Variants in PPP1R36 observed in about 807,000 individuals in gnomAD.
The protein encoded by PPP1R36 is chromosome 14 open reading frame 50.
A neutral mutation model predicts 53.4 loss-of-function variants in PPP1R36; 47 were observed. That is an observed-to-expected ratio of 0.88 (90% CI 0.70 to 1.12). PPP1R36 has a LOEUF of 1.12. Ranked by LOEUF, PPP1R36 falls within the 50% of genes most tolerant of loss-of-function variation. The pLI is 0.00. For synonymous variants in PPP1R36, 153 were observed against 170.5 expected (o/e 0.90, Z 0.80); for missense variants, 456 against 513.9 (o/e 0.89, Z 1.09).
At chr14:64,571,625 AG>A (rs2080304102) in intron 7 of PPP1R36, among the ~76,000 whole-genome samples, 1 of 152,118 alleles carries the variant, frequency 6.6e-6, no homozygotes, top group Admixed American at 6.5e-5. Context: ...CTCACTCATA[AG>A]TTAGGTTAAT....
Position 64,566,270 on chromosome 14 carries a change from C to CA in PPP1R36, c.434+587dup, listed in dbSNP as rs1285494587. On this transcript the variant is annotated intron_variant, in intron 6 of 11. Transcript: ENST00000298705. ...GTGACAGAGCAAGACTCTCTCAGAC[C>CA]AAAAAAAAAGAAAAATACAAACATT... is the stretch of plus-strand genomic sequence containing the variant. Among the ~76,000 whole-genome samples the CA allele has an allele frequency of 4.7e-4, 68 of 144,176 alleles. No homozygotes were observed. In the East Asian group the frequency reaches 6.7e-3, roughly 14 times the overall value. 94.6% of individuals were successfully genotyped at this position (144,176 alleles called of 152,430 possible).
intron 7 of PPP1R36, among the ~76,000 whole-genome samples, chr14:64,571,301 A>AT (rs982066577): frequency 3.3e-5 from 5 of 151,846 alleles, no homozygotes; most frequent in Non-Finnish European, 5.9e-5. Context: ...AATTTTTTAT[A>AT]TTTTTGGTAG....
At chr14:64,573,261 A>G (rs2080316984) in intron 7 of PPP1R36, among the ~76,000 whole-genome samples, 1 of 152,216 alleles carries the variant, frequency 6.6e-6, no homozygotes, top group African/African-American at 2.4e-5. Context: ...GTCTTTGTGA[A>G]AGTTCATTTG....
At position 64,556,762 on chromosome 14, in the gene PPP1R36, ATGTGTGTGTGTGTG is replaced by A. The variant is rs369620598; in HGVS notation, c.182+3921_182+3934del. Among the ~76,000 whole-genome samples the A allele has an allele frequency of 6.8e-3, 909 of 134,058 alleles. 9 individuals are homozygous for A. The highest frequency in any genetic ancestry group is 8.7e-3 in the Non-Finnish European group (554 of 63,780). The allele number at this position is 134,058 out of a possible 152,430, so 87.9% of individuals were successfully genotyped here. A position where few individuals can be genotyped will look rare whatever the true frequency, so the allele number is the denominator to read the frequency against. Reference sequence around the variant, plus strand: ...TAGAGTGAGACCCAATCTCCAAAAAATGTGTGTGTGTGTGTGTGTGTGTGTGTGTGTGTAAACAT... The same window carrying A: ...TAGAGTGAGACCCAATCTCCAAAAAATGTGTGTGTGTGTGTGTGTAAACAT... On this transcript the variant is annotated intron_variant, in intron 3 of 11. Transcript: ENST00000298705.
Position 64,587,357 on chromosome 14 carries a change from C to G in PPP1R36, c.875C>G (p.Thr292Ser). The change falls in exon 10 of 12, where the codon ACT (threonine) becomes AGT (serine). Residue 292 changes from threonine to serine, a missense_variant. Physicochemically the swap from Thr to Ser is moderately conservative, Grantham distance 58 (BLOSUM62 1). Transcript: ENST00000298705. ...TCAGGAGGGGAAAAGAAACGCATGA[C>G]TTTTGTTCAGTTCAGGTATGACCTT... ...EESGGEKKRM[T>S]FVQFRRMMAK... is the part of the protein sequence containing the mutation. The G allele has an allele frequency of 6.2e-7, 1 of 1,607,070 alleles. No individual in the cohort carries two copies. Among genetic ancestry groups the G allele is most frequent in the Non-Finnish European group, 8.5e-7 (1 of 1,176,124 alleles).
intron 6 of PPP1R36, among the ~76,000 whole-genome samples, chr14:64,566,442 CAAAAA>C (rs55703167): frequency 3.7e-5 from 5 of 133,532 alleles, no homozygotes; most frequent in Non-Finnish European, 4.8e-5. Context: ...GACTCCCTCT[CAAAAA>C]AAAAAAAAAA....
rs114511148 is a variant in PPP1R36, at chr14:64,576,127, C to T, written c.668+1538C>T. Among the ~76,000 whole-genome samples the T allele has an allele frequency of 2.8e-3, 395 of 140,428 alleles. 3 individuals are homozygous for T. The highest frequency in any genetic ancestry group is 0.01 in the African/African-American group (372 of 36,974). The allele number at this position is 140,428 out of a possible 152,430, so 92.1% of individuals were successfully genotyped here. ...AAAGTCTCGCTCTTGTCCCCATAGG[C>T]TGGAGTGCAATGGTGTGATCTCGGC... is the stretch of plus-strand genomic sequence containing the variant. On this transcript the variant is annotated intron_variant, in intron 8 of 11. Coordinates refer to ENST00000298705, the MANE Select transcript of PPP1R36 (RefSeq NM_172365.3).
rs749976586 is a variant in PPP1R36, at chr14:64,565,624, A to C, written c.368-2A>C. On this transcript the variant is annotated splice_acceptor_variant, in intron 5 of 11. Coordinates refer to ENST00000298705, the MANE Select transcript of PPP1R36 (RefSeq NM_172365.3). LOFTEE classifies it high-confidence loss of function. ...TCTCAATTGTTCATTTTCTCTTTTC[A>C]GTTGTTACTTTGCTTTTGCTACAAG... The C allele has an allele frequency of 2.4e-5, 39 of 1,612,462 alleles. No individual in the cohort carries two copies. Among genetic ancestry groups the C allele is most frequent in the Non-Finnish European group, 3.1e-5 (37 of 1,178,710 alleles).
chr14:64,579,218 G>A (rs1306918476), intron 8 of PPP1R36, among the ~76,000 whole-genome samples: 5 of 152,108 alleles, frequency 3.3e-5, no homozygotes, highest in South Asian at 4.2e-4. Context: ...CCCGTGACTC[G>A]TGTTTATCTA....
intron 8 of PPP1R36, among the ~76,000 whole-genome samples, chr14:64,577,657 G>A (rs1440285230): frequency 1.3e-5 from 2 of 150,650 alleles, no homozygotes; most frequent in Non-Finnish European, 2.9e-5. Flanking sequence ...TCCTGTCTTG[G>A]TGTCTGCTTC....
At chr14:64,563,919 C>A (rs1341661062) in intron 3 of PPP1R36, among the ~76,000 whole-genome samples, 4 of 152,196 alleles carry the variant, frequency 2.6e-5, no homozygotes, top group Admixed American at 2.6e-4. Flanking sequence ...CTTCAAAACA[C>A]TTTTCTCTGT....
chr14:64,550,616 CTTCT>C (rs1250489771), intron 1 of PPP1R36, among the ~76,000 whole-genome samples: 1 of 152,160 alleles, frequency 6.6e-6, no homozygotes, highest in African/African-American at 2.4e-5. Flanking sequence ...TCCTCCGCTG[CTTCT>C]TTCCTCTTTT....
chr14:64,583,822 A>C (rs914444879), intron 8 of PPP1R36, among the ~76,000 whole-genome samples: 1 of 151,134 alleles, frequency 6.6e-6, no homozygotes, highest in African/African-American at 2.4e-5. Context: ...AAAAAAAAAA[A>C]AAAAAAAAAA....
chr14:64,556,766 G>GTGTGTGTA (rs2140219067), intron 3 of PPP1R36, among the ~76,000 whole-genome samples: 1 of 135,982 alleles, frequency 7.4e-6, no homozygotes, highest in African/African-American at 2.8e-5. Flanking sequence ...CAAAAAATGT[G>GTGTGTGTA]TGTGTGTGTG....
intron 3 of PPP1R36, among the ~76,000 whole-genome samples, chr14:64,564,086 A>G (rs946539634): frequency 6.6e-6 from 1 of 152,246 alleles, no homozygotes; most frequent in Non-Finnish European, 1.5e-5. Flanking sequence ...AGTCAAACTC[A>G]TTACGGCTTA....
rs901926922 is a variant in PPP1R36, at chr14:64,576,206, G to A, written c.668+1617G>A. Among the ~76,000 whole-genome samples the A allele has an allele frequency of 2.0e-5, 3 of 150,714 alleles. No homozygotes were observed. The East Asian group carries it at 5.9e-4, about 30-fold the overall frequency. ...AGTGATTCTCCTGTCTCGGCCTCCC[G>A]AGTAGCTGGGATTACAGGCACACAC... On this transcript the variant is annotated intron_variant, in intron 8 of 11. Transcript: ENST00000298705.
chr14:64,552,213 G>A (rs1369745307), intron 2 of PPP1R36, among the ~76,000 whole-genome samples: 1 of 152,186 alleles, frequency 6.6e-6, no homozygotes, highest in Admixed American at 6.6e-5. Flanking sequence ...TGGTGGCTGG[G>A]TGTGGTGGCT....
intron 6 of PPP1R36, among the ~76,000 whole-genome samples, chr14:64,567,092 T>A (rs1415031996): frequency 6.6e-6 from 1 of 152,254 alleles, no homozygotes; most frequent in Non-Finnish European, 1.5e-5. Context: ...GAACCCAGCC[T>A]GAGACAGGGA....
intron 9 of PPP1R36, 140 bp from the exon 10 acceptor site, chr14:64,587,054 T>C (rs1267871955): frequency 1.2e-5 from 10 of 802,860 alleles, no homozygotes; most frequent in Non-Finnish European, 2.0e-5. Flanking sequence ...AGTGAGTATG[T>C]GTATAATTTT....
Sources: allele counts gnomAD v4.1 joint callset (sites outside exome capture counted in the v4.1 genomes callset), GRCh38; gene constraint gnomAD v4.1.1; transcripts MANE v1.5; gene names NCBI Gene and HGNC (gene_info 2026-07-23, HGNC 2026-07-21).